The following ATXN1 variants were observed in gnomAD, a reference collection of about 807,000 sequenced individuals.
ATXN1 encodes ataxin-1.
ATXN1 carries 8 observed loss-of-function variants against 56.4 expected under a neutral mutation model. The ratio of observed to expected loss-of-function variants is 0.14; its 90% confidence interval spans 0.08 to 0.26. The LOEUF is 0.26. Among genes scored for constraint, ATXN1 ranks in the 10% least tolerant of loss-of-function variants. The probability of loss-of-function intolerance (pLI) is 1.00; values close to 1 mark genes in which losing one functional copy is unlikely to be tolerated. For missense variants in ATXN1, 987 were observed against 1,106.5 expected (o/e 0.89, Z 1.53); for synonymous variants, 514 against 494.6 (o/e 1.04, Z -0.52).
intron 4 of ATXN1, among the ~76,000 whole-genome samples, chr6:16,566,830 T>TCACACCACTGCACTCCAGCCC (rs1762231889): frequency 6.6e-6 from 1 of 152,016 alleles, no homozygotes; most frequent in African/African-American, 2.4e-5. Context: ...CACTCCAGCC[T>TCACACCACTGCACTCCAGCCC]GGGCAACAGA....
At chr6:16,623,137 T>A (rs568497026) in intron 3 of ATXN1, among the ~76,000 whole-genome samples, 33 of 152,340 alleles carry the variant, frequency 2.2e-4, no homozygotes, top group Admixed American at 1.5e-3. Flanking sequence ...TTTATTTTTT[T>A]AAACCATTAT....
intron 3 of ATXN1, among the ~76,000 whole-genome samples, chr6:16,588,458 C>T (rs946770583): frequency 1.3e-5 from 2 of 152,218 alleles, no homozygotes; most frequent in African/African-American, 4.8e-5. Flanking sequence ...AAATCACCCA[C>T]CCCTTCTATC....
chr6:16,729,894 T>G (rs901188825), intron 2 of ATXN1, among the ~76,000 whole-genome samples: 1 of 152,226 alleles, frequency 6.6e-6, no homozygotes, highest in Non-Finnish European at 1.5e-5. Flanking sequence ...TGGCACACAG[T>G]AGGTGCTCAA....
At chr6:16,740,824 T>G (rs1041519953) in intron 2 of ATXN1, among the ~76,000 whole-genome samples, 1 of 152,196 alleles carries the variant, frequency 6.6e-6, no homozygotes, top group Non-Finnish European at 1.5e-5. Context: ...TGAGCCACCA[T>G]GCCCAGCCTC....
intron 3 of ATXN1, among the ~76,000 whole-genome samples, chr6:16,601,701 A>C (rs547391461): frequency 3.7e-4 from 57 of 152,132 alleles, no homozygotes; most frequent in Non-Finnish European, 5.7e-4. Context: ...AATACAAAAA[A>C]TATTAGTTGG....
At position 16,634,444 on chromosome 6, in the gene ATXN1, A is replaced by C. The variant is rs113692259; in HGVS notation, c.-489+23332T>G. ...AAAAAAACAGCTTTATTAAGATTTA[A>C]TTTACATATAACTCAAGTGTATAAC... On this transcript the variant is annotated intron_variant, in intron 3 of 7. Transcript: ENST00000436367. Among the ~76,000 whole-genome samples the C allele has an allele frequency of 2.0e-3, 301 of 147,016 alleles. 1 individual carries two copies. Among genetic ancestry groups the C allele is most frequent in the African/African-American group, 7.1e-3 (278 of 39,330 alleles).
chr6:16,606,348 GA>G (rs1763004551), intron 3 of ATXN1, among the ~76,000 whole-genome samples: 1 of 152,084 alleles, frequency 6.6e-6, no homozygotes, highest in Non-Finnish European at 1.5e-5. Context: ...CCTGGATGGT[GA>G]AACGTATTTC....
intron 4 of ATXN1, among the ~76,000 whole-genome samples, chr6:16,548,870 C>T (rs1761864170): frequency 6.6e-6 from 1 of 152,152 alleles, no homozygotes; most frequent in African/African-American, 2.4e-5. Context: ...TTGCAGTGAG[C>T]AGAGATTGCA....
At chr6:16,653,726 G>A (rs767406874) in intron 3 of ATXN1, among the ~76,000 whole-genome samples, 5 of 152,148 alleles carry the variant, frequency 3.3e-5, no homozygotes, top group Admixed American at 6.5e-5. Context: ...AACACTTTAC[G>A]TATTTGGAAG....
chr6:16,602,890 T>C (rs1183803154), intron 3 of ATXN1, among the ~76,000 whole-genome samples: 1 of 152,162 alleles, frequency 6.6e-6, no homozygotes, highest in African/African-American at 2.4e-5. Flanking sequence ...ACTGTGACCA[T>C]GGACAGGCTA....
chr6:16,408,220 A>G (rs892649713), intron 6 of ATXN1, among the ~76,000 whole-genome samples: 4 of 152,160 alleles, frequency 2.6e-5, no homozygotes, highest in African/African-American at 9.7e-5. Context: ...CAACAAAATA[A>G]AAGAAGAACC....
At chr6:16,734,192 T>A (rs956700304) in intron 2 of ATXN1, among the ~76,000 whole-genome samples, 1 of 152,190 alleles carries the variant, frequency 6.6e-6, no homozygotes, top group African/African-American at 2.4e-5. Context: ...GAAATCATCC[T>A]TCTCAGGTGT....
chr6:16,646,989 T>TTTTG (rs533393628), intron 3 of ATXN1, among the ~76,000 whole-genome samples: 34 of 152,150 alleles, frequency 2.2e-4, no homozygotes, highest in South Asian at 1.5e-3. Flanking sequence ...ATTTAGGTTT[T>TTTTG]TTTGTTTGTT....
intron 4 of ATXN1, among the ~76,000 whole-genome samples, chr6:16,548,674 A>T (rs1393887834): frequency 6.6e-6 from 1 of 152,128 alleles, no homozygotes; most frequent in Admixed American, 6.5e-5. Context: ...CTGTAATCCC[A>T]GCACTTTGGG....
In ATXN1 at chr6:16,721,608, T is replaced by TTTTA. The variant is rs1413658723; in HGVS notation, c.-615+31624_-615+31625insTAAA. ...TGCCACTGCACTCCAGCCAGGGTGA[T>TTTTA]AGAGGGAGACCCTGCCTCTTAAAAA... On this transcript the variant is annotated intron_variant, in intron 2 of 7. Coordinates refer to ENST00000436367, the MANE Select transcript of ATXN1 (RefSeq NM_001128164.2). 2.6e-5 allele frequency among the ~76,000 whole-genome samples: 4 copies of TTTTA among 152,244 alleles called. No individual in the cohort carries two copies. The East Asian group carries it at 7.7e-4, about 29-fold the overall frequency.
intron 4 of ATXN1, among the ~76,000 whole-genome samples, chr6:16,579,483 C>G (rs771770050): frequency 2.8e-5 from 1 of 35,304 alleles, no homozygotes; most frequent in East Asian, 1.5e-3. Context: ...GGTCAAAGCC[C>G]CCCCCCCCCA....
chr6:16,414,501 C>T (rs976061152), intron 6 of ATXN1, among the ~76,000 whole-genome samples: 6 of 152,138 alleles, frequency 3.9e-5, no homozygotes, highest in South Asian at 2.1e-4. Context: ...GTGACGCCCA[C>T]GACACAAATG....
At chr6:16,353,899 A>G (rs983281434) in intron 6 of ATXN1, among the ~76,000 whole-genome samples, 1 of 152,214 alleles carries the variant, frequency 6.6e-6, no homozygotes, top group Non-Finnish European at 1.5e-5. Context: ...TAGTTTCCCA[A>G]GATTGTGTAG....
At chr6:16,457,521 T>A (rs1342732082) in intron 6 of ATXN1, among the ~76,000 whole-genome samples, 1 of 149,606 alleles carries the variant, frequency 6.7e-6, no homozygotes, top group Non-Finnish European at 1.5e-5. Flanking sequence ...AAGCGGCTTA[T>A]TTTTTCTGCA....
Sources: gnomAD v4.1 joint callset for allele counts (sites outside exome capture counted in the v4.1 genomes callset) on GRCh38, gnomAD v4.1.1 for gene constraint, MANE v1.5 for transcripts, NCBI Gene and HGNC (gene_info 2026-07-23, HGNC 2026-07-21) for gene names.